The following MCM5 variants were observed in gnomAD, a reference collection of about 807,000 sequenced individuals.
MCM5 encodes the protein minichromosome maintenance complex component 5, also known as DNA replication licensing factor MCM5.
A neutral mutation model predicts 79.9 loss-of-function variants in MCM5; 46 were observed. The ratio of observed to expected loss-of-function variants is 0.58; its 90% CI spans 0.45 to 0.74. The LOEUF (loss-of-function observed/expected upper bound fraction) is 0.74. Among genes scored for constraint, MCM5 ranks in the 30% least tolerant of loss-of-function variants. The probability of loss-of-function intolerance (pLI) is 0.00; values close to 1 mark genes in which losing one functional copy is unlikely to be tolerated. For synonymous variants in MCM5, 404 were observed against 390.5 expected, an observed-to-expected ratio of 1.03 and a Z score of -0.41; for missense variants, 883 against 1,017.0, an observed-to-expected ratio of 0.87 and a Z score of 1.79.
the MCM5 span, among the ~76,000 whole-genome samples, chr22:35,441,913 G>T: frequency 6.6e-6 from 1 of 152,036 alleles, no homozygotes; most frequent in African/African-American, 2.4e-5. Context: ...CCACAAGCCG[G>T]GCCTCTTGAT....
At chr22:35,423,616 A>C in intron 16 of MCM5, 1 of 288,632 alleles carries the variant, frequency 3.5e-6, no homozygotes, top group East Asian at 6.3e-5. Context: ...AGTTCCCCGC[A>C]GCCCTTCCCG....
At chr22:35,429,959 C>T (rs987763128), downstream of MCM5, among the ~76,000 whole-genome samples, 1 of 152,156 alleles carries the variant, frequency 6.6e-6, no homozygotes, top group Non-Finnish European at 1.5e-5. Flanking sequence ...TCTCAGTTTC[C>T]GTGTCTGTAA....
At chr22:35,407,085 C>T (rs1262219556) in intron 5 of MCM5, among the ~76,000 whole-genome samples, 5 of 152,122 alleles carry the variant, frequency 3.3e-5, no homozygotes, top group Admixed American at 6.5e-5. Context: ...CCCAGGAACA[C>T]GTTCGTTCAT....
chr22:35,428,863 G>C (rs557639715), downstream of MCM5, among the ~76,000 whole-genome samples: 37 of 151,472 alleles, frequency 2.4e-4, no homozygotes, highest in South Asian at 7.7e-3. Context: ...CATAGTCACA[G>C]TGCACTACAG....
intron 1 of MCM5, 35 bp from the exon 2 acceptor site, chr22:35,400,396 C>T (rs1297632079): frequency 1.9e-6 from 3 of 1,612,986 alleles, no homozygotes; most frequent in Non-Finnish European, 2.5e-6. Context: ...CAGGCGCTGC[C>T]CCCAGCCTGT....
chr22:35,417,884 G>T (rs1390795793), intron 13 of MCM5, 28 bp downstream of exon 13: 1 of 1,563,330 alleles, frequency 6.4e-7, no homozygotes, highest in African/African-American at 1.4e-5. Context: ...GCCCACGGGG[G>T]TGAGGTTGCC....
rs771025303 is a variant in MCM5, at chr22:35,406,471, C to T, written c.424-82C>T. The T allele has an allele frequency of 4.4e-6, 6 of 1,357,578 alleles. No individual in the cohort carries two copies. In the South Asian group the frequency reaches 7.9e-5, roughly 18 times the overall value. 84.1% of individuals were successfully genotyped at this position (1,357,578 alleles called of 1,614,324 possible). ...GCTCTGTGCCCACCTCCTCCAGGCT[C>T]CTGCCCAGGATATTTACTGGCATAT... On this transcript the variant is annotated intron_variant, in intron 4 of 16. Coordinates refer to ENST00000216122, the MANE Select transcript of MCM5 (RefSeq NM_006739.4).
At chr22:35,416,440 A>G (rs769314898) in intron 11 of MCM5, 36 bp downstream of exon 11, 1 of 1,605,314 alleles carries the variant, frequency 6.2e-7, no homozygotes, top group Admixed American at 1.7e-5. Context: ...AGCCTGCAGC[A>G]GCCCAGCGTG....
the MCM5 span, among the ~76,000 whole-genome samples, chr22:35,441,055 C>CAAAAA: frequency 1.0e-5 from 1 of 96,156 alleles, no homozygotes; most frequent in Non-Finnish European, 2.1e-5. Flanking sequence ...GAAACTCTGT[C>CAAAAA]AAAAAAAAAA....
chr22:35,409,025 C>T (rs1239432387), intron 6 of MCM5, among the ~76,000 whole-genome samples: 3 of 151,646 alleles, frequency 2.0e-5, no homozygotes, highest in African/African-American at 7.3e-5. Flanking sequence ...TGCAGTGGCG[C>T]GATCTCGGCT....
chr22:35,452,330 A>T, the MCM5 span, among the ~76,000 whole-genome samples: 4 of 152,022 alleles, frequency 2.6e-5, no homozygotes, highest in Non-Finnish European at 5.9e-5. Context: ...TTTATGGCAG[A>T]TGTCACACCC....
the MCM5 span, among the ~76,000 whole-genome samples, chr22:35,447,922 A>T: frequency 6.6e-6 from 1 of 152,142 alleles, no homozygotes; most frequent in South Asian, 2.1e-4. Flanking sequence ...CCCCGAGTCC[A>T]CTCAGGGAAA....
the MCM5 span, among the ~76,000 whole-genome samples, chr22:35,443,926 G>A: frequency 5.3e-5 from 8 of 152,176 alleles, no homozygotes. Flanking sequence ...TGCTGTTACT[G>A]GGTCTGTGAT....
the MCM5 span, among the ~76,000 whole-genome samples, chr22:35,444,282 G>A: frequency 5.3e-5 from 8 of 151,466 alleles, no homozygotes; most frequent in African/African-American, 1.9e-4. Flanking sequence ...GAGAGAGGGG[G>A]GCTTGAGGCT....
the MCM5 span, among the ~76,000 whole-genome samples, chr22:35,437,817 C>T: frequency 6.6e-6 from 1 of 152,152 alleles, no homozygotes; most frequent in Non-Finnish European, 1.5e-5. Flanking sequence ...GGTCTGAGGC[C>T]TGGGCATCTG....
Position 35,413,908 on chromosome 22 carries a change from C to T in MCM5, c.1125C>T (p.Ile375=), listed in dbSNP as rs1475393266. The T allele has an allele frequency of 1.2e-6, 2 of 1,613,908 alleles. No individual in the cohort carries two copies. Among genetic ancestry groups the T allele is most frequent in the African/African-American group, 1.3e-5 (1 of 74,910 alleles). ...ATGGACTTACTCGCCGAGGAGACAT[C>T]AACCTGCTGATGCTAGGGGACCCTG... The part of the protein sequence containing the change: ...LPDGLTRRGD[I]NLLMLGDPGT... The change falls in exon 9 of 17, where the codon ATC becomes ATT. Residue 375 remains isoleucine (I), a synonymous_variant. Transcript: ENST00000216122.
At chr22:35,443,408 C>CA in the MCM5 span, among the ~76,000 whole-genome samples, 6 of 152,146 alleles carry the variant, frequency 3.9e-5, no homozygotes. Context: ...AGGCTGGTCT[C>CA]AAACTCCTGG....
intron 2 of MCM5, chr22:35,401,675 T>C (rs1241005842): frequency 4.2e-6 from 2 of 471,056 alleles, no homozygotes; most frequent in African/African-American, 2.0e-5. Flanking sequence ...GCAGCTGATA[T>C]TGCCCACCTG....
chr22:35,438,915 A>T, the MCM5 span, among the ~76,000 whole-genome samples: 19 of 109,032 alleles, frequency 1.7e-4, no homozygotes, highest in Admixed American at 1.5e-3. Flanking sequence ...ATCCACTCAC[A>T]TATTCATCCA....
Sources: gnomAD v4.1 joint callset for allele counts (sites outside exome capture counted in the v4.1 genomes callset) on GRCh38, gnomAD v4.1.1 for gene constraint, MANE v1.5 for transcripts, NCBI Gene and HGNC (gene_info 2026-07-23, HGNC 2026-07-21) for gene names.